TTC39B: variants seen among roughly 807,000 people sequenced by gnomAD.
TTC39B encodes the protein tetratricopeptide repeat protein 39B.
TTC39B carries 92 observed loss-of-function variants against 96.6 expected under a neutral mutation model. The observed-to-expected ratio is 0.95, with a 90% confidence interval of 0.80 to 1.13. The LOEUF (loss-of-function observed/expected upper bound fraction) is 1.13, where lower values mean the gene tolerates loss of function less well. TTC39B is among the 50% of genes most tolerant of loss of function. The pLI is 0.00. For synonymous variants in TTC39B, 367 were observed against 299.4 expected (o/e 1.23, Z -2.33); for missense variants, 955 against 809.3 (o/e 1.18, Z -2.18).
intron 3 of TTC39B, among the ~76,000 whole-genome samples, chr9:15,214,660 C>T (rs1232264292): frequency 6.6e-6 from 1 of 152,184 alleles, no homozygotes; most frequent in Admixed American, 6.5e-5. Flanking sequence ...TTAATTTCAA[C>T]AGTACTTTAC....
intron 6 of TTC39B, among the ~76,000 whole-genome samples, chr9:15,209,106 C>A (rs572267079): frequency 3.3e-5 from 5 of 152,200 alleles, no homozygotes; most frequent in African/African-American, 1.2e-4. Flanking sequence ...GCAATACAGG[C>A]ACAGATTCTC....
rs141800044 is a variant in TTC39B, at chr9:15,254,005, G to GA, written c.275+13908dup. ...GTGTCAACATTGAGACTTGACTGGA[G>GA]AAAAAATGTGGACTCGAGACTTCCT... is the stretch of plus-strand genomic sequence containing the variant. On this transcript the variant is annotated intron_variant, in intron 2 of 19. Coordinates refer to ENST00000512701, the Ensembl canonical transcript of TTC39B. Among the ~76,000 whole-genome samples the GA allele has an allele frequency of 1.6e-3, 236 of 152,162 alleles. 3 individuals are homozygous for GA. Among genetic ancestry groups the GA allele is most frequent in the Middle Eastern group, 3.4e-3 (1 of 294 alleles).
In TTC39B at chr9:15,252,656, A is replaced by G. The variant is rs192284231; in HGVS notation, c.275+15258T>C. ...AGAGTGAAACTCCATCTCAAAAAAA[A>G]AAAGGATATTAGGTGAAACCTAAGG... is the stretch of plus-strand genomic sequence containing the variant. On this transcript the variant is annotated intron_variant, in intron 2 of 19. Transcript: ENST00000512701. 4.3e-3 allele frequency among the ~76,000 whole-genome samples: 656 copies of G among 152,364 alleles called. 3 individuals carry two copies. Among genetic ancestry groups the G allele is most frequent in the African/African-American group, 0.015 (628 of 41,594 alleles).
At chr9:15,171,821 G>C (rs1817675517) in exon 20 of TTC39B, 1 of 351,224 alleles carries the variant, frequency 2.8e-6, no homozygotes, top group Non-Finnish European at 5.1e-6. Context: ...GAATTTTCTA[G>C]ATAATATAGA....
intron 7 of TTC39B, 82 bp from the exon 8 acceptor site, chr9:15,200,007 G>T: frequency 2.8e-6 from 2 of 716,466 alleles, no homozygotes; most frequent in Non-Finnish European, 4.4e-6. Context: ...TGTGTGATTA[G>T]AAAAACAAAA....
chr9:15,178,357 G>A (rs1049003882), intron 17 of TTC39B, among the ~76,000 whole-genome samples: 2 of 152,112 alleles, frequency 1.3e-5, no homozygotes, highest in Non-Finnish European at 2.9e-5. Context: ...AAGCTCACTT[G>A]AGCCCAGGAG....
chr9:15,193,608 C>A (rs1227040906), intron 8 of TTC39B, among the ~76,000 whole-genome samples: 3 of 152,158 alleles, frequency 2.0e-5, no homozygotes, highest in African/African-American at 7.2e-5. Context: ...GCTGTCATTT[C>A]CCCTGGGTCA....
chr9:15,199,754 A>AAAAAAAAAC, intron 8 of TTC39B, 107 bp downstream of exon 8: 1 of 345,104 alleles, frequency 2.9e-6, no homozygotes, highest in Non-Finnish European at 5.4e-6. Context: ...AAAAAAAAAA[A>AAAAAAAAAC]AAAAAAAAAA....
At chr9:15,301,227 T>C (rs1209540193) in intron 1 of TTC39B, among the ~76,000 whole-genome samples, 1 of 152,210 alleles carries the variant, frequency 6.6e-6, no homozygotes, top group Non-Finnish European at 1.5e-5. Context: ...CTTAGTGCAA[T>C]TACTGAAAGC....
At chr9:15,167,347 C>T (rs1053205479) in exon 20 of TTC39B, 1 of 151,106 alleles carries the variant, frequency 6.6e-6, no homozygotes, top group East Asian at 2.0e-4. Flanking sequence ...CATTGCCAGC[C>T]TCTAAAAACC....
At chr9:15,193,186 A>G (rs1448600182) in intron 8 of TTC39B, among the ~76,000 whole-genome samples, 1 of 152,214 alleles carries the variant, frequency 6.6e-6, no homozygotes, top group East Asian at 1.9e-4. Context: ...CAAGAAAGCA[A>G]AGGCCATCAC....
intron 2 of TTC39B, among the ~76,000 whole-genome samples, chr9:15,254,828 TACACAC>T (rs35980691): frequency 0.12 from 17,777 of 143,736 alleles, 1,573 homozygotes; most frequent in African/African-American, 0.25. Flanking sequence ...CATAACTTTA[TACACAC>T]ACACACACAC....
intron 2 of TTC39B, among the ~76,000 whole-genome samples, chr9:15,240,602 A>C (rs1821996047): frequency 6.6e-6 from 1 of 152,160 alleles, no homozygotes; most frequent in Non-Finnish European, 1.5e-5. Context: ...TCATGAAGGG[A>C]ATATTCAAAT....
At chr9:15,295,132 A>C (rs1824327170) in intron 1 of TTC39B, among the ~76,000 whole-genome samples, 2 of 152,310 alleles carry the variant, frequency 1.3e-5, no homozygotes, top group African/African-American at 4.8e-5. Context: ...TTACAAACAA[A>C]CTTAAACACC....
chr9:15,251,467 C>T (rs1164579535), intron 2 of TTC39B, among the ~76,000 whole-genome samples: 1 of 151,730 alleles, frequency 6.6e-6, no homozygotes, highest in East Asian at 1.9e-4. Flanking sequence ...GAGGCTGAGG[C>T]AGGAGAATCA....
chr9:15,199,816 A>G (rs1007292346), intron 8 of TTC39B, 45 bp downstream of exon 8: 7 of 1,078,176 alleles, frequency 6.5e-6, no homozygotes, highest in Non-Finnish European at 9.7e-6. Context: ...AAAGGAGTAC[A>G]CAGCACAAAA....
At chr9:15,237,140 C>A (rs760882186) in intron 2 of TTC39B, among the ~76,000 whole-genome samples, 1 of 152,122 alleles carries the variant, frequency 6.6e-6, no homozygotes, top group African/African-American at 2.4e-5. Flanking sequence ...CATGGCGAAA[C>A]GTCATCTCCA....
At position 15,225,920 on chromosome 9, in the gene TTC39B, C is replaced by G. The variant is rs1821097230; in HGVS notation, c.368G>C (p.Ser123Thr). Reference sequence around the variant, plus strand: ...AATGCCCACAACCCTTCCTGACCTGCTGACAGTAGACGCTCCGCGCTGTCT... The same window carrying G: ...AATGCCCACAACCCTTCCTGACCTGGTGACAGTAGACGCTCCGCGCTGTCT... The change falls in exon 3 of 20, where the codon AGC (serine) becomes ACC (threonine). Residue 123 changes from serine (S) to threonine (T), a missense_variant. Transcript: ENST00000512701. 6.2e-7 allele frequency: 1 copy of G among 1,613,414 alleles called. No homozygotes were observed. The highest frequency in any genetic ancestry group is 1.3e-5 in the African/African-American group (1 of 74,938).
chr9:15,166,982 T>TTTTTTTTATATATATATATA (rs1387664027), exon 20 of TTC39B: 3 of 20,276 alleles, frequency 1.5e-4, no homozygotes, highest in Non-Finnish European at 2.6e-4. Flanking sequence ...AACCTTTATT[T>TTTTTTTTATATATATATATA]TATATATATA....
Sources: allele counts gnomAD v4.1 joint callset (sites outside exome capture counted in the v4.1 genomes callset), GRCh38; gene constraint gnomAD v4.1.1; transcripts MANE v1.5; gene names NCBI Gene and HGNC (gene_info 2026-07-23, HGNC 2026-07-21).